Variants in DNAAF4 observed in about 807,000 individuals in gnomAD.
The protein encoded by DNAAF4 is dynein axonemal assembly factor 4, also known as dynein assembly factor 4, axonemal.
DNAAF4 carries 43 observed loss-of-function variants against 51.8 expected under a neutral mutation model. That is an observed-to-expected ratio of 0.83 (90% confidence interval 0.65 to 1.07). DNAAF4 has a LOEUF of 1.07. Among genes scored for constraint, DNAAF4 ranks in the 50% least tolerant of loss-of-function variants. The probability of loss-of-function intolerance (pLI) is 0.00; values close to 1 mark genes in which losing one functional copy is unlikely to be tolerated. For synonymous variants in DNAAF4, 194 were observed against 165.6 expected (o/e 1.17, Z -1.32); for missense variants, 581 against 493.0 (o/e 1.18, Z -1.69).
At chr15:55,481,146 T>C (rs973207043) in intron 4 of DNAAF4, among the ~76,000 whole-genome samples, 5 of 152,166 alleles carry the variant, frequency 3.3e-5, no homozygotes, top group Admixed American at 2.6e-4. Context: ...CTTTATAAAT[T>C]ACCCGATCTT....
At chr15:55,424,532 T>C (rs1028598398) in intron 7 of DNAAF4, among the ~76,000 whole-genome samples, 1 of 152,210 alleles carries the variant, frequency 6.6e-6, no homozygotes, top group African/African-American at 2.4e-5. Flanking sequence ...GGTCTCTCCT[T>C]GACCAAACTC....
chr15:55,461,927 G>A (rs1183838967), intron 5 of DNAAF4, among the ~76,000 whole-genome samples: 2 of 152,066 alleles, frequency 1.3e-5, no homozygotes, highest in Admixed American at 6.6e-5. Flanking sequence ...AAATAAGCTC[G>A]ATTAGAAATG....
intron 4 of DNAAF4, among the ~76,000 whole-genome samples, chr15:55,475,357 G>GAA (rs1459466533): frequency 6.6e-6 from 1 of 152,136 alleles, no homozygotes; most frequent in Non-Finnish European, 1.5e-5. Flanking sequence ...ACTACAAAGA[G>GAA]AAAAGTCTTT....
intron 6 of DNAAF4, chr15:55,443,337 C>G (rs968816531): frequency 4.3e-6 from 4 of 934,972 alleles, no homozygotes; most frequent in Admixed American, 5.1e-5. Context: ...TGCGGAGGCG[C>G]CTGGCGCAGC....
At chr15:55,433,950 A>ATATTTTATATATTATAATAT (rs1555413855) in intron 8 of DNAAF4, among the ~76,000 whole-genome samples, 1 of 33,160 alleles carries the variant, frequency 3.0e-5, no homozygotes, top group African/African-American at 9.5e-5. Flanking sequence ...TATATAATAT[A>ATATTTTATATATTATAATAT]TATAATATAT....
chr15:55,454,563 A>T (rs2141472340), intron 5 of DNAAF4, among the ~76,000 whole-genome samples: 1 of 152,038 alleles, frequency 6.6e-6, no homozygotes, highest in East Asian at 2.0e-4. Flanking sequence ...TTTTTAGTAG[A>T]GATGGGGTTT....
At chr15:55,484,175 T>C (rs1018257838) in intron 4 of DNAAF4, among the ~76,000 whole-genome samples, 4 of 151,978 alleles carry the variant, frequency 2.6e-5, no homozygotes, top group Non-Finnish European at 4.4e-5. Flanking sequence ...GAATACAGTA[T>C]GGCAATTCCT....
At chr15:55,464,691 G>A (rs1289018871) in intron 5 of DNAAF4, among the ~76,000 whole-genome samples, 1 of 152,152 alleles carries the variant, frequency 6.6e-6, no homozygotes, top group Admixed American at 6.6e-5. Context: ...TGTCCCGCCA[G>A]GTGTGGTGGC....
rs201600219 is a variant in DNAAF4, at chr15:55,455,133, A to T, written c.638-4766T>A. Among the ~76,000 whole-genome samples, 39 of 141,398 alleles carry T rather than the reference A, an allele frequency of 2.8e-4. No individual in the cohort carries two copies. The East Asian group carries it at 4.7e-3, about 17-fold the overall frequency. The allele number at this position is 141,398 out of a possible 152,430, so 92.8% of individuals were successfully genotyped here. ...AGAAACTGAATCTTTTTTTTTTTTT[A>T]AAAAAACCTCCATAAAAAAACTCCA... On this transcript the variant is annotated intron_variant, in intron 5 of 9. Transcript: ENST00000321149.
intron 4 of DNAAF4, among the ~76,000 whole-genome samples, chr15:55,470,479 A>G (rs2058238117): frequency 6.6e-6 from 1 of 152,022 alleles, no homozygotes; most frequent in Non-Finnish European, 1.5e-5. Flanking sequence ...TCAGCAACCC[A>G]GAAGTTCTCC....
At chr15:55,460,355 T>C (rs1390923581) in intron 5 of DNAAF4, among the ~76,000 whole-genome samples, 3 of 151,886 alleles carry the variant, frequency 2.0e-5, no homozygotes, top group African/African-American at 7.3e-5. Context: ...AATTTTTGTG[T>C]TTTTAGTAGA....
At chr15:55,465,389 TATATACACACACACACACAC>T (rs1191432034) in intron 5 of DNAAF4, among the ~76,000 whole-genome samples, 1 of 128,498 alleles carries the variant, frequency 7.8e-6, no homozygotes, top group Non-Finnish European at 1.6e-5. Flanking sequence ...ATATGGTGTA[TATATACACACACACACACAC>T]ACACACACAC....
chr15:55,483,616 C>T (rs1489327547), intron 4 of DNAAF4, among the ~76,000 whole-genome samples: 1 of 151,870 alleles, frequency 6.6e-6, no homozygotes, highest in Non-Finnish European at 1.5e-5. Flanking sequence ...TCTTGGCCCA[C>T]TGCAACCTCT....
chr15:55,499,142 A>G (rs2058678357), intron 1 of DNAAF4, among the ~76,000 whole-genome samples: 1 of 152,082 alleles, frequency 6.6e-6, no homozygotes, highest in African/African-American at 2.4e-5. Flanking sequence ...GGTCATACAG[A>G]CTGTGAACAA....
At chr15:55,453,838 C>T (rs1374160702) in intron 5 of DNAAF4, among the ~76,000 whole-genome samples, 4 of 151,976 alleles carry the variant, frequency 2.6e-5, no homozygotes, top group Non-Finnish European at 5.9e-5. Flanking sequence ...GCATGAGCCA[C>T]AGCGCCTGGC....
At chr15:55,492,422 G>A (rs979314793) in intron 3 of DNAAF4, among the ~76,000 whole-genome samples, 1 of 152,074 alleles carries the variant, frequency 6.6e-6, no homozygotes, top group Non-Finnish European at 1.5e-5. Context: ...CCTTGGCAGA[G>A]TAGTGAATCC....
chr15:55,499,960 T>C (rs2007501), intron 1 of DNAAF4, among the ~76,000 whole-genome samples: 123 of 152,296 alleles, frequency 8.1e-4, no homozygotes, highest in African/African-American at 2.7e-3. Context: ...AGTTTATAAA[T>C]TGCTGGGATA....
rs575164120 is a variant in DNAAF4 at position 55,420,874 on chromosome 15, G to A, written c.1048-2741C>T. On this transcript the variant is annotated intron_variant, in intron 7 of 7. Transcript: ENST00000448430. ...TACCTATGGCAGTGGTGCACTGTTCGGTCATTTTTGTTGTTGCTAAATTCT... is the reference window on the plus strand; with the variant it reads ...TACCTATGGCAGTGGTGCACTGTTCAGTCATTTTTGTTGTTGCTAAATTCT... Among the ~76,000 whole-genome samples the A allele has an allele frequency of 2.6e-5, 4 of 152,050 alleles. No individual in the cohort carries two copies. The South Asian group carries it at 6.2e-4, about 24-fold the overall frequency.
At chr15:55,490,084 G>T (rs2141583545) in intron 4 of DNAAF4, among the ~76,000 whole-genome samples, 1 of 152,144 alleles carries the variant, frequency 6.6e-6, no homozygotes, top group East Asian at 1.9e-4. Context: ...GTGTTGGCCA[G>T]GCTGGTGTTG....
Sources: allele counts gnomAD v4.1 joint callset (sites outside exome capture counted in the v4.1 genomes callset), GRCh38; gene constraint gnomAD v4.1.1; transcripts MANE v1.5; gene names NCBI Gene and HGNC (gene_info 2026-07-23, HGNC 2026-07-21).